MUC12: variants seen among roughly 807,000 people sequenced by gnomAD.
MUC12 encodes mucin-12.
Under a neutral mutation model 230.8 loss-of-function variants are expected in MUC12, and 172 were observed. The observed-to-expected ratio is 0.75, with a 90% CI of 0.66 to 0.85. The LOEUF is 0.85. MUC12 is among the 40% of genes least tolerant of loss of function. MUC12 has a pLI of 0.00. For synonymous variants in MUC12, 1,259 were observed against 2,401.9 expected (o/e 0.52, Z 13.91); for missense variants, 3,506 against 5,920.6 (o/e 0.59, Z 13.38).
chr7:100,977,599 C>G (rs1447275411), intron 1 of MUC12, among the ~76,000 whole-genome samples: 1 of 152,054 alleles, frequency 6.6e-6, no homozygotes, highest in African/African-American at 2.4e-5. Context: ...CTCCTGACCT[C>G]GTGATCCACC....
At chr7:100,984,259 CT>C (rs34134351) in intron 1 of MUC12, among the ~76,000 whole-genome samples, 20,547 of 139,450 alleles carry the variant, frequency 0.15, 1,427 homozygotes, top group African/African-American at 0.2. Context: ...TACTTTGCAT[CT>C]TTTTTTTTTT....
At position 100,990,751 on chromosome 7, in the gene MUC12, C is replaced by G. The variant is rs947222570; in HGVS notation, c.188C>G (p.Thr63Ser). 5.9e-6 allele frequency: 9 copies of G among 1,537,888 alleles called. No individual in the cohort carries two copies. Among genetic ancestry groups the G allele is most frequent in the Non-Finnish European group, 7.8e-6 (9 of 1,147,056 alleles). Residue 63 changes from threonine to serine, a missense_variant, in exon 2 of 12, where the codon ACT becomes AGT. By Grantham distance (58) the Thr-to-Ser change is moderately conservative. Transcript: ENST00000536621. Reference protein sequence around the residue: ...GVSVTFITGSTATKHFLDSST... With the variant: ...GVSVTFITGSSATKHFLDSST... Reference sequence around the variant, plus strand: ...TCAGTCACATTTATCACGGGCTCAACTGCAACAAAACACTTCCTTGACAGC... The same window carrying G: ...TCAGTCACATTTATCACGGGCTCAAGTGCAACAAAACACTTCCTTGACAGC...
chr7:100,972,091 C>T (rs1421049541), intron 1 of MUC12: 2 of 703,060 alleles, frequency 2.8e-6, no homozygotes, highest in African/African-American at 3.5e-5. Flanking sequence ...TGATTAGATC[C>T]AGAGACCCCC....
At chr7:100,980,291 C>G (rs1390748360) in intron 1 of MUC12, among the ~76,000 whole-genome samples, 2 of 152,200 alleles carry the variant, frequency 1.3e-5, no homozygotes, top group African/African-American at 4.8e-5. Flanking sequence ...TCCCGCCCGC[C>G]TTGGCCTCCC....
At position 100,990,811 on chromosome 7, in the gene MUC12, T is replaced by C. The variant is rs1342372920; in HGVS notation, c.248T>C (p.Val83Ala). 3 of 1,537,732 alleles carry C rather than the reference T, an allele frequency of 2.0e-6. No individual in the cohort carries two copies. Among genetic ancestry groups the C allele is most frequent in the Non-Finnish European group, 2.6e-6 (3 of 1,147,006 alleles). ...TCAGGCCACAGTGAGGAATCAACAG[T>C]ATCCCACAGCGGCCCAGGTGCAACT... ...TNSGHSEEST[V>A]SHSGPGATGT... Residue 83 changes from valine to alanine, a missense_variant, in exon 2 of 12, where the codon GTA becomes GCA. Physicochemically the swap from Val to Ala is moderately conservative, Grantham distance 64. Coordinates refer to ENST00000536621, the MANE Select transcript of MUC12 (RefSeq NM_001164462.2).
In MUC12 at chr7:100,991,922, T is replaced by G; in HGVS notation, c.1359T>G (p.Pro453=). Residue 453 remains proline, a synonymous_variant, in exon 2 of 12, where the codon CCT becomes CCG. Transcript: ENST00000536621. ...ATGCAATGGCAACAACAGTCTTACCTGCCGGCTCTACACCCTCAGTTCTTG... is the reference window on the plus strand; with the variant it reads ...ATGCAATGGCAACAACAGTCTTACCGGCCGGCTCTACACCCTCAGTTCTTG... ...SPDAMATTVL[P]AGSTPSVLVG... is the part of the protein sequence containing the mutation. The G allele has an allele frequency of 1.3e-6, 2 of 1,537,386 alleles. No homozygotes were observed. The highest frequency in any genetic ancestry group is 1.7e-6 in the Non-Finnish European group (2 of 1,146,922).
At chr7:101,011,475 G>T (rs1307990184) in intron 5 of MUC12, among the ~76,000 whole-genome samples, 1 of 152,124 alleles carries the variant, frequency 6.6e-6, no homozygotes, top group Non-Finnish European at 1.5e-5. Context: ...TGCCTGAAGT[G>T]CAGTGGTGCA....
chr7:101,004,286 A>T lies in MUC12; in HGVS notation c.13723A>T (p.Thr4575Ser), dbSNP rs1346182631. 2 of 908,146 alleles carry T rather than the reference A, an allele frequency of 2.2e-6. No individual in the cohort carries two copies. The highest frequency in any genetic ancestry group is 3.0e-6 in the Non-Finnish European group (2 of 664,062). 56.3% of individuals were successfully genotyped at this position (908,146 alleles called of 1,614,324 possible). ...STTLGRSEES[T>S]TVHSSPVATA... Reference sequence around the variant, plus strand: ...AACCTTGGGCCGTAGTGAGGAATCGACAACAGTCCACAGCAGCCCAGTTGC... The same window carrying T: ...AACCTTGGGCCGTAGTGAGGAATCGTCAACAGTCCACAGCAGCCCAGTTGC... The change falls in exon 2 of 12, where the codon ACA becomes TCA. Residue 4575 changes from threonine (T) to serine (S), a missense_variant. Thr to Ser is a moderately conservative substitution (Grantham distance 58, BLOSUM62 1). Coordinates refer to ENST00000536621, the MANE Select transcript of MUC12 (RefSeq NM_001164462.2).
chr7:100,994,193 C>A lies in MUC12; in HGVS notation c.3630C>A (p.Leu1210=). The A allele has an allele frequency of 9.3e-7, 1 of 1,078,172 alleles. No individual in the cohort carries two copies. The highest frequency in any genetic ancestry group is 1.3e-6 in the Non-Finnish European group (1 of 796,394). 66.8% of individuals were successfully genotyped at this position (1,078,172 alleles called of 1,614,324 possible). The change falls in exon 2 of 12, where the codon CTC becomes CTA. Residue 1210 remains leucine, a synonymous_variant. Coordinates refer to ENST00000536621, the MANE Select transcript of MUC12 (RefSeq NM_001164462.2). ...CTGAGGACAGCACCACCTCGGGCCTCACTGAAGAATCTACAGCCTTCCCCG... is the reference window on the plus strand; with the variant it reads ...CTGAGGACAGCACCACCTCGGGCCTAACTGAAGAATCTACAGCCTTCCCCG... ...LFTEDSTTSG[L]TEESTAFPGS...
chr7:101,018,810 G>T lies in MUC12; in HGVS notation c.*174G>T, dbSNP rs926621610. 1 of 605,152 alleles carries T rather than the reference G, an allele frequency of 1.7e-6. No individual in the cohort carries two copies. Among genetic ancestry groups the T allele is most frequent in the Admixed American group, 3.8e-5 (1 of 26,364 alleles). 37.5% of individuals were successfully genotyped at this position (605,152 alleles called of 1,614,324 possible). A position where few individuals can be genotyped will look rare whatever the true frequency, so the allele number is the denominator to read the frequency against. The stretch of plus-strand genomic sequence containing the variant: ...CCTGCCTGTGCTCCTGCTGGGGAAG[G>T]CTGGGGGCTGTAAGCCTCTCCATCC... On this transcript the variant is annotated 3_prime_UTR_variant, in exon 12 of 12. Transcript: ENST00000536621.
chr7:100,974,602 T>C (rs757460040), intron 1 of MUC12, among the ~76,000 whole-genome samples: 3 of 152,234 alleles, frequency 2.0e-5, no homozygotes, highest in Non-Finnish European at 2.9e-5. Context: ...GGAGGATTGT[T>C]TGAGCTCAGG....
chr7:100,995,547 C>T lies in MUC12; in HGVS notation c.4984C>T (p.Pro1662Ser), dbSNP rs56914801. ...TASGLLEAST[P>S]VHSSTGSPHT... The stretch of plus-strand genomic sequence containing the variant: ...CTCAGGCCTCCTTGAAGCATCTACG[C>T]CCGTCCACAGCAGCACTGGATCGCC... Residue 1662 changes from proline (P) to serine (S), a missense_variant, in exon 2 of 12, where the codon CCC (proline) becomes TCC (serine). By Grantham distance (74) the Pro-to-Ser change is moderately conservative. Coordinates refer to ENST00000536621, the MANE Select transcript of MUC12 (RefSeq NM_001164462.2). The T allele has an allele frequency of 0.081, 124,808 of 1,535,100 alleles. 7,885 individuals carry two copies. Among genetic ancestry groups the T allele is most frequent in the Admixed American group, 0.33 (16,644 of 50,880 alleles).
chr7:100,971,181 C>CACA (rs1792879614), intron 1 of MUC12, among the ~76,000 whole-genome samples: 1 of 104,184 alleles, frequency 9.6e-6, no homozygotes, highest in Non-Finnish European at 1.9e-5. Context: ...AAGAAACAAA[C>CACA]AAAAAAAAAA....
chr7:100,987,738 C>T (rs1446638262), intron 1 of MUC12, among the ~76,000 whole-genome samples: 3 of 151,938 alleles, frequency 2.0e-5, no homozygotes, highest in Admixed American at 6.6e-5. Flanking sequence ...TTTGGGAGGC[C>T]GAGGTGAGCA....
rs1156541878 is a variant in MUC12, at chr7:100,995,401, C to A, written c.4838C>A (p.Ser1613Tyr). Residue 1613 changes from serine (S) to tyrosine (Y), a missense_variant, in exon 2 of 12, where the codon TCC becomes TAC. Coordinates refer to ENST00000536621, the MANE Select transcript of MUC12 (RefSeq NM_001164462.2). ...ESTASHSSPGSTDTTLSPGST... is the reference protein window; with the variant it reads ...ESTASHSSPGYTDTTLSPGST... Reference sequence around the variant, plus strand: ...ACAGCTTCCCACAGCAGCCCAGGCTCCACAGACACAACATTGTCCCCTGGC... The same window carrying A: ...ACAGCTTCCCACAGCAGCCCAGGCTACACAGACACAACATTGTCCCCTGGC... 6.5e-7 allele frequency: 1 copy of A among 1,534,300 alleles called. No individual in the cohort carries two copies. Among genetic ancestry groups the A allele is most frequent in the Non-Finnish European group, 8.7e-7 (1 of 1,145,590 alleles).
At chr7:100,982,927 A>G (rs1296694664) in intron 1 of MUC12, among the ~76,000 whole-genome samples, 1 of 150,978 alleles carries the variant, frequency 6.6e-6, no homozygotes, top group African/African-American at 2.4e-5. Flanking sequence ...TAAAGACAGG[A>G]TCTTGATATG....
chr7:100,983,406 C>T (rs1020668339), intron 1 of MUC12, among the ~76,000 whole-genome samples: 1 of 147,642 alleles, frequency 6.8e-6, no homozygotes, highest in Non-Finnish European at 1.5e-5. Context: ...GGCAACAGAG[C>T]GAGACTCCGT....
At chr7:100,982,147 G>T (rs61020250) in intron 1 of MUC12, among the ~76,000 whole-genome samples, 1 of 151,552 alleles carries the variant, frequency 6.6e-6, no homozygotes, top group Non-Finnish European at 1.5e-5. Flanking sequence ...GATTACAGGC[G>T]TGAGCCACCG....
chr7:100,988,428 G>C (rs1452362697), intron 1 of MUC12, among the ~76,000 whole-genome samples: 1 of 152,016 alleles, frequency 6.6e-6, no homozygotes, highest in Non-Finnish European at 1.5e-5. Flanking sequence ...GCTTCCTGAG[G>C]CCTCCCTAGA....
Sources: allele counts gnomAD v4.1 joint callset (sites outside exome capture counted in the v4.1 genomes callset), GRCh38; gene constraint gnomAD v4.1.1; transcripts MANE v1.5; gene names NCBI Gene and HGNC (gene_info 2026-07-23, HGNC 2026-07-21).